The following FARS2 variants were observed in gnomAD, a reference collection of about 807,000 sequenced individuals.
FARS2 encodes phenylalanyl-tRNA synthetase 2, mitochondrial, also known as phenylalanine--tRNA ligase, mitochondrial.
FARS2 carries 40 observed loss-of-function variants against 46.4 expected under a neutral mutation model. The ratio of observed to expected loss-of-function variants is 0.86; its 90% confidence interval spans 0.67 to 1.12. The LOEUF (loss-of-function observed/expected upper bound fraction) is 1.12, where lower values mean the gene tolerates loss of function less well. Among genes scored for constraint, FARS2 ranks in the 50% most tolerant of loss-of-function variants. The pLI is 0.00. For missense variants in FARS2, 513 were observed against 567.9 expected (o/e 0.90, Z 0.98); for synonymous variants, 234 against 214.9 (o/e 1.09, Z -0.78).
At chr6:5,690,182 A>G (rs1757589030) in intron 6 of FARS2, among the ~76,000 whole-genome samples, 1 of 152,130 alleles carries the variant, frequency 6.6e-6, no homozygotes, top group Admixed American at 6.5e-5. Flanking sequence ...TAATTGGAGC[A>G]TTTAGTCCAT....
At chr6:5,729,753 T>A (rs1760503700) in intron 6 of FARS2, among the ~76,000 whole-genome samples, 1 of 152,228 alleles carries the variant, frequency 6.6e-6, no homozygotes. Context: ...GTTTTTTGTA[T>A]GTTTGCTTTC....
At chr6:5,479,170 T>C (rs1766298144) in intron 4 of FARS2, among the ~76,000 whole-genome samples, 1 of 152,188 alleles carries the variant, frequency 6.6e-6, no homozygotes, top group Non-Finnish European at 1.5e-5. Context: ...CTGAGCACAG[T>C]TGGTTCTCTG....
intron 4 of FARS2, among the ~76,000 whole-genome samples, chr6:5,510,376 C>T (rs1768366712): frequency 6.6e-6 from 1 of 152,174 alleles, no homozygotes; most frequent in African/African-American, 2.4e-5. Context: ...GGCCTGCCTC[C>T]TTCCAGGCAA....
intron 1 of FARS2, among the ~76,000 whole-genome samples, chr6:5,324,503 T>C (rs1770219282): frequency 6.7e-6 from 1 of 150,324 alleles, no homozygotes; most frequent in Non-Finnish European, 1.5e-5. Flanking sequence ...CCTACTATTC[T>C]GGGAAAATGT....
intron 1 of FARS2, among the ~76,000 whole-genome samples, chr6:5,329,141 A>G (rs1237329652): frequency 6.6e-6 from 1 of 152,134 alleles, no homozygotes; most frequent in Non-Finnish European, 1.5e-5. Flanking sequence ...AAAAAAAAAA[A>G]AGAAACTGTG....
At chr6:5,395,806 A>G (rs1271031817) in intron 2 of FARS2, among the ~76,000 whole-genome samples, 1 of 152,230 alleles carries the variant, frequency 6.6e-6, no homozygotes, top group Admixed American at 6.5e-5. Flanking sequence ...TTATCCTTGT[A>G]GTAACATTTG....
intron 1 of FARS2, among the ~76,000 whole-genome samples, chr6:5,341,257 T>TTTTCC (rs552538194): frequency 1.8e-5 from 1 of 56,700 alleles, no homozygotes; most frequent in South Asian, 4.2e-4. Context: ...TTTTTTTTTT[T>TTTTCC]CCCTGTGAGA....
At chr6:5,404,413 G>A in intron 2 of FARS2, 129 bp from the exon 3 acceptor site, 1 of 521,576 alleles carries the variant, frequency 1.9e-6, no homozygotes, top group Non-Finnish European at 3.3e-6. Flanking sequence ...TTTATTGACA[G>A]GACATAATGA....
At chr6:5,599,424 G>A (rs9378972) in intron 5 of FARS2, among the ~76,000 whole-genome samples, 82,249 of 152,010 alleles carry the variant, frequency 0.54, 22,573 homozygotes, top group East Asian at 0.82. Flanking sequence ...AGAGTGTGAC[G>A]GTAATGCCGC....
chr6:5,374,084 G>A (rs775142918), intron 2 of FARS2, among the ~76,000 whole-genome samples: 3 of 151,980 alleles, frequency 2.0e-5, no homozygotes, highest in South Asian at 2.1e-4. Context: ...AGGGCAAAAC[G>A]ATCTGATGTC....
upstream of FARS2, chr6:5,261,065 A>C: frequency 1.6e-6 from 1 of 608,204 alleles, no homozygotes; most frequent in Non-Finnish European, 2.1e-6. Flanking sequence ...GGGCGGGGAA[A>C]TAAGAGGACT....
intron 5 of FARS2, among the ~76,000 whole-genome samples, chr6:5,547,147 T>C (rs1002477718): frequency 1.3e-5 from 2 of 152,062 alleles, no homozygotes; most frequent in Non-Finnish European, 1.5e-5. Context: ...ATACAGGGTT[T>C]CACCATGTTG....
At chr6:5,493,053 A>G (rs1026731060) in intron 4 of FARS2, among the ~76,000 whole-genome samples, 1 of 151,712 alleles carries the variant, frequency 6.6e-6, no homozygotes. Context: ...CTGTGTACTT[A>G]TTTAGGAATG....
chr6:5,407,720 T>C (rs950715315), intron 3 of FARS2, among the ~76,000 whole-genome samples: 28 of 152,200 alleles, frequency 1.8e-4, no homozygotes, highest in African/African-American at 6.5e-4. Context: ...ATATATTTCA[T>C]TAAAATGGCG....
chr6:5,506,400 T>C (rs189027245), intron 4 of FARS2, among the ~76,000 whole-genome samples: 52 of 152,316 alleles, frequency 3.4e-4, no homozygotes, highest in East Asian at 7.7e-4. Flanking sequence ...ACCTGAACCT[T>C]GACTCTCAAG....
At chr6:5,490,060 T>G (rs998121671) in intron 4 of FARS2, among the ~76,000 whole-genome samples, 1 of 152,214 alleles carries the variant, frequency 6.6e-6, no homozygotes, top group Admixed American at 6.5e-5. Context: ...TTGACCTTTC[T>G]CTTCATCCCC....
chr6:5,475,394 C>T (rs1425973195), intron 4 of FARS2, among the ~76,000 whole-genome samples: 3 of 152,194 alleles, frequency 2.0e-5, no homozygotes, highest in East Asian at 1.9e-4. Context: ...AGCCAGATTA[C>T]GGAGGACCTT....
chr6:5,693,549 G>A (rs189975525), intron 6 of FARS2, among the ~76,000 whole-genome samples: 547 of 152,354 alleles, frequency 3.6e-3, no homozygotes, highest in Non-Finnish European at 5.8e-3. Flanking sequence ...CTGTTTTCAA[G>A]TAAACCTAGA....
intron 1 of FARS2, among the ~76,000 whole-genome samples, chr6:5,344,702 A>G (rs551961853): frequency 6.6e-6 from 1 of 152,256 alleles, no homozygotes; most frequent in African/African-American, 2.4e-5. Flanking sequence ...AAGTATGGCA[A>G]TTGGAGTTAG....
Sources: gnomAD v4.1 joint callset for allele counts (sites outside exome capture counted in the v4.1 genomes callset) on GRCh38, gnomAD v4.1.1 for gene constraint, MANE v1.5 for transcripts, NCBI Gene and HGNC (gene_info 2026-07-23, HGNC 2026-07-21) for gene names.